The following MED24 variants were observed in gnomAD, a reference collection of about 807,000 sequenced individuals.
MED24 encodes the protein mediator of RNA polymerase II transcription subunit 24.
A neutral mutation model predicts 118.8 loss-of-function variants in MED24; 74 were observed. That is an observed-to-expected ratio of 0.62 (90% CI 0.52 to 0.76). MED24 has a LOEUF of 0.76. Among genes scored for constraint, MED24 ranks in the 30% least tolerant of loss-of-function variants. The pLI is 0.00. For missense variants in MED24, 1,041 were observed against 1,278.9 expected (o/e 0.81, Z 2.84); for synonymous variants, 521 against 523.9 (o/e 0.99, Z 0.08).
intron 19 of MED24, among the ~76,000 whole-genome samples, chr17:40,025,597 A>G (rs1982549571): frequency 6.6e-6 from 1 of 152,238 alleles, no homozygotes; most frequent in Non-Finnish European, 1.5e-5. Context: ...AAAGTTCTGG[A>G]GACCTGTTAC....
Position 40,053,541 on chromosome 17 carries a change from C to T in MED24, c.58G>A (p.Asp20Asn), listed in dbSNP as rs1336277779. 1 of 1,614,196 alleles carries T rather than the reference C, an allele frequency of 6.2e-7. No homozygotes were observed. Among genetic ancestry groups the T allele is most frequent in the Non-Finnish European group, 8.5e-7 (1 of 1,180,046 alleles). ...ILQAWKERWS[D>N]YQWAINMKKF... Reference sequence around the variant, plus strand: ...TTCATGTTGATTGCCCATTGGTAGTCACTCCAGCGCTCCTTCCAGGCTTGC... The same window carrying T: ...TTCATGTTGATTGCCCATTGGTAGTTACTCCAGCGCTCCTTCCAGGCTTGC... The change falls in exon 2 of 26, where the codon GAC becomes AAC. Residue 20 changes from aspartate (D) to asparagine (N), a missense_variant. Asp to Asn is a conservative substitution (Grantham distance 23). Transcript: ENST00000394128.
rs1364761448 is a variant in MED24 at position 40,022,422 on chromosome 17, T to C, written c.2495A>G (p.Gln832Arg). ...SSHKGQASTR[Q>R]KKRHREDIED... is the part of the protein sequence containing the mutation. ...AATGTCTTCGCGGTGTCTCTTCTTCTGGCGGGTGGACGCCTGTCCCTTGTG... is the reference window on the plus strand; with the variant it reads ...AATGTCTTCGCGGTGTCTCTTCTTCCGGCGGGTGGACGCCTGTCCCTTGTG... Residue 832 changes from glutamine (Q) to arginine (R), a missense_variant, in exon 22 of 26, where the codon CAG (glutamine) becomes CGG (arginine). By Grantham distance (43) the Gln-to-Arg change is conservative (BLOSUM62 1). Coordinates refer to ENST00000394128, the MANE Select transcript of MED24 (RefSeq NM_014815.4). The C allele has an allele frequency of 1.9e-6, 3 of 1,610,788 alleles. No homozygotes were observed. Among genetic ancestry groups the C allele is most frequent in the South Asian group, 2.2e-5 (2 of 90,358 alleles).
chr17:40,026,719 G>C lies in MED24; in HGVS notation c.1737C>G (p.Leu579=). The C allele has an allele frequency of 6.2e-7, 1 of 1,612,532 alleles. No homozygotes were observed. The highest frequency in any genetic ancestry group is 8.5e-7 in the Non-Finnish European group (1 of 1,179,284). The part of the protein sequence containing the change: ...LVQMKWHEAC[L]SISAAILEIL... Reference sequence around the variant, plus strand: ...TTTCCAAGATGGCGGCTGAGATGCTGAGACAGGCCTCATGCCACTTCATCT... The same window carrying C: ...TTTCCAAGATGGCGGCTGAGATGCTCAGACAGGCCTCATGCCACTTCATCT... The change falls in exon 18 of 26, where the codon CTC becomes CTG. Residue 579 remains leucine (L), a synonymous_variant. Transcript: ENST00000394128.
chr17:40,027,985 G>A (rs752806201), intron 14 of MED24, 39 bp from the exon 15 acceptor site: 116 of 1,606,568 alleles, frequency 7.2e-5, no homozygotes, highest in Non-Finnish European at 8.9e-5. Flanking sequence ...ACCAGGGCAT[G>A]AGCTGAGCAG....
At chr17:40,034,209 C>T (rs1408946139) in intron 6 of MED24, among the ~76,000 whole-genome samples, 5 of 152,144 alleles carry the variant, frequency 3.3e-5, no homozygotes, top group Non-Finnish European at 7.3e-5. Flanking sequence ...ACCTGAGATC[C>T]ATTAAAATTC....
rs955980531 is a variant in MED24 at position 40,032,829 on chromosome 17, G to A, written c.823-67C>T. On this transcript the variant is annotated intron_variant, in intron 8 of 25. Coordinates refer to ENST00000394128, the MANE Select transcript of MED24 (RefSeq NM_014815.4). ...ACCCCGTCACCCTTCTGTGGACTCT[G>A]AGGATTTGGCTGGGTCAGAGACTGC... 3 of 1,480,444 alleles carry A rather than the reference G, an allele frequency of 2.0e-6. No homozygotes were observed. The East Asian group carries it at 6.8e-5, about 34-fold the overall frequency. 91.7% of individuals were successfully genotyped at this position (1,480,444 alleles called of 1,614,324 possible). A position where few individuals can be genotyped will look rare whatever the true frequency, so the allele number is the denominator to read the frequency against.
At chr17:40,026,471 C>G in intron 18 of MED24, 140 bp from the exon 19 acceptor site, 2 of 1,211,658 alleles carry the variant, frequency 1.7e-6, no homozygotes, top group Non-Finnish European at 2.3e-6. Context: ...CAAGTTTGAT[C>G]TTCCCAGAGC....
chr17:40,044,188 A>G (rs1984898122), intron 3 of MED24, among the ~76,000 whole-genome samples: 1 of 150,752 alleles, frequency 6.6e-6, no homozygotes, highest in Non-Finnish European at 1.5e-5. Flanking sequence ...CAAATTATAT[A>G]TTTATTTGTG....
intron 3 of MED24, among the ~76,000 whole-genome samples, chr17:40,048,029 G>A (rs532017686): frequency 1.3e-5 from 2 of 152,300 alleles, no homozygotes; most frequent in African/African-American, 4.8e-5. Flanking sequence ...TGCGCCCAGC[G>A]CAAGATCTTT....
rs1263631859 is a variant in MED24, at chr17:40,031,195, A to G, written c.1118T>C (p.Leu373Pro). The G allele has an allele frequency of 6.4e-7, 1 of 1,573,834 alleles. No individual in the cohort carries two copies. Among genetic ancestry groups the G allele is most frequent in the Admixed American group, 1.9e-5 (1 of 53,736 alleles). The part of the protein sequence containing the change: ...LLQECGKQGL[L>P]SEASVNNLMA... ...AAGGTTGTTGACGCTGGCCTCAGACAGAAGCCCCTGCTTGCCACATTCTTG... is the reference window on the plus strand; with the variant it reads ...AAGGTTGTTGACGCTGGCCTCAGACGGAAGCCCCTGCTTGCCACATTCTTG... The change falls in exon 12 of 26, where the codon CTG (leucine) becomes CCG (proline). Residue 373 changes from leucine to proline, a missense_variant. Transcript: ENST00000394128.
At position 40,028,254 on chromosome 17, in the gene MED24, A is replaced by G. The variant is rs562267024; in HGVS notation, c.1410-308T>C. On this transcript the variant is annotated intron_variant, in intron 14 of 25. Transcript: ENST00000394128. ...CAGTCTCCCAAGTAGCTGGGATTAC[A>G]GGTGCCCGCCACCACACCCGGCTAA... Among the ~76,000 whole-genome samples, 3 of 152,180 alleles carry G rather than the reference A, an allele frequency of 2.0e-5. No individual in the cohort carries two copies. In the South Asian group the frequency reaches 6.2e-4, roughly 32 times the overall value.
chr17:40,036,420 G>A (rs1983937078), intron 3 of MED24, among the ~76,000 whole-genome samples: 1 of 152,180 alleles, frequency 6.6e-6, no homozygotes, highest in South Asian at 2.1e-4. Context: ...GCCGAGCATG[G>A]TGGCTCATGC....
At chr17:40,034,772 T>C (rs1273779811) in intron 6 of MED24, 22 of 593,280 alleles carry the variant, frequency 3.7e-5, no homozygotes, top group Non-Finnish European at 5.3e-5. Flanking sequence ...TTTTTCCTCG[T>C]CTGTGATGTA....
chr17:40,040,842 C>A (rs1416550125), intron 3 of MED24, among the ~76,000 whole-genome samples: 1 of 152,026 alleles, frequency 6.6e-6, no homozygotes, highest in Non-Finnish European at 1.5e-5. Context: ...TCTTGAACTC[C>A]TGACCTCATG....
intron 4 of MED24, 131 bp from the exon 5 acceptor site, chr17:40,035,926 A>T (rs1983884454): frequency 9.2e-7 from 1 of 1,086,286 alleles, no homozygotes; most frequent in Admixed American, 2.1e-5. Flanking sequence ...AGCATCCTCA[A>T]CACTGGACAT....
chr17:40,034,037 G>T (rs1983677495), intron 6 of MED24, among the ~76,000 whole-genome samples: 1 of 152,096 alleles, frequency 6.6e-6, no homozygotes, highest in South Asian at 2.1e-4. Context: ...CTAACTCACT[G>T]TTCTCTCCTT....
intron 3 of MED24, among the ~76,000 whole-genome samples, chr17:40,044,307 G>A (rs192332618): frequency 4.6e-5 from 7 of 151,970 alleles, no homozygotes; most frequent in Admixed American, 3.9e-4. Context: ...ACCACATGAG[G>A]TCAGGAGCTT....
At chr17:40,027,169 G>A (rs1360495193) in intron 16 of MED24, 135 bp from the exon 17 acceptor site, 1 of 1,241,616 alleles carries the variant, frequency 8.1e-7, no homozygotes, top group Non-Finnish European at 1.1e-6. Flanking sequence ...ACTGGTCTAA[G>A]GGAGCCAGAC....
intron 9 of MED24, 35 bp downstream of exon 9, chr17:40,032,614 C>G: frequency 6.5e-7 from 1 of 1,546,426 alleles, no homozygotes; most frequent in Non-Finnish European, 8.9e-7. Context: ...AGAACCATTC[C>G]TAGACTGGCT....
Sources: allele counts gnomAD v4.1 joint callset (sites outside exome capture counted in the v4.1 genomes callset), GRCh38; gene constraint gnomAD v4.1.1; transcripts MANE v1.5; gene names NCBI Gene and HGNC (gene_info 2026-07-23, HGNC 2026-07-21).